SEPTIN11: variants seen among roughly 807,000 people sequenced by gnomAD.
SEPTIN11 encodes the protein septin 11.
Under a neutral mutation model 51.4 loss-of-function variants are expected in SEPTIN11, and 25 were observed. That is an observed-to-expected ratio of 0.49 (90% CI 0.35 to 0.68). The LOEUF (loss-of-function observed/expected upper bound fraction) is 0.68, where lower values mean the gene tolerates loss of function less well. SEPTIN11 is among the 30% of genes least tolerant of loss of function. SEPTIN11 has a pLI of 0.00. For missense variants in SEPTIN11, 381 were observed against 520.8 expected (o/e 0.73, Z 2.61); for synonymous variants, 174 against 184.1 (o/e 0.95, Z 0.44).
At chr4:77,019,650 G>A (rs1392859780) in intron 6 of SEPTIN11, among the ~76,000 whole-genome samples, 1 of 152,198 alleles carries the variant, frequency 6.6e-6, no homozygotes, top group Non-Finnish European at 1.5e-5. Flanking sequence ...TGCAAAAAAT[G>A]TCTTCTAATA....
chr4:77,037,191 G>A lies in SEPTIN11; in HGVS notation c.*2679G>A, dbSNP rs1019653576. On this transcript the variant is annotated 3_prime_UTR_variant, in exon 10 of 10. Transcript: ENST00000264893. Reference sequence around the variant, plus strand: ...ACCTTGGCGAACACGGTGAAACCCCGTCTCTACAAAAAATACAAAAATTAG... The same window carrying A: ...ACCTTGGCGAACACGGTGAAACCCCATCTCTACAAAAAATACAAAAATTAG... The A allele has an allele frequency of 4.8e-5, 30 of 630,504 alleles. No individual in the cohort carries two copies. The highest frequency in any genetic ancestry group is 5.9e-5 in the Non-Finnish European group (30 of 505,624). The allele number at this position is 630,504 out of a possible 1,614,324, so 39.1% of individuals were successfully genotyped here.
At position 77,037,687 on chromosome 4, in the gene SEPTIN11, C is replaced by T. The variant is rs1727132521; in HGVS notation, c.*3175C>T. The T allele has an allele frequency of 1.0e-6, 1 of 985,794 alleles. No homozygotes were observed. Among genetic ancestry groups the T allele is most frequent in the Non-Finnish European group, 1.2e-6 (1 of 829,918 alleles). The allele number at this position is 985,794 out of a possible 1,614,324, so 61.1% of individuals were successfully genotyped here. On this transcript the variant is annotated 3_prime_UTR_variant, in exon 10 of 10. Coordinates refer to ENST00000264893, the MANE Select transcript of SEPTIN11 (RefSeq NM_018243.4). ...ACATAATACCATCTTTTTGCTTCTT[C>T]TGAACTTTAGATCTCCATAACACAT...
At chr4:77,011,359 C>T (rs1459200692) in intron 3 of SEPTIN11, among the ~76,000 whole-genome samples, 1 of 152,208 alleles carries the variant, frequency 6.6e-6, no homozygotes, top group South Asian at 2.1e-4. Context: ...TTAGCAATAT[C>T]TTCCACGGAT....
chr4:77,008,063 C>A lies in SEPTIN11; in HGVS notation c.338+2267C>A, dbSNP rs114934734. Among the ~76,000 whole-genome samples, 1,135 of 152,312 alleles carry A rather than the reference C, an allele frequency of 7.5e-3. 10 individuals carry two copies. The highest frequency in any genetic ancestry group is 0.026 in the African/African-American group (1,072 of 41,564). ...CATGTCAACATTCCTGTATTATTAT[C>A]TGCCTCAGACCAGGCTAGCTAGAAG... is the stretch of plus-strand genomic sequence containing the variant. On this transcript the variant is annotated intron_variant, in intron 3 of 9. Coordinates refer to ENST00000264893, the MANE Select transcript of SEPTIN11 (RefSeq NM_018243.4).
At chr4:77,030,702 G>GT (rs1341767863) in intron 8 of SEPTIN11, 81 bp from the exon 9 acceptor site, 7 of 1,371,324 alleles carry the variant, frequency 5.1e-6, no homozygotes, top group Non-Finnish European at 6.8e-6. Context: ...GCCATGTTTT[G>GT]TTTTTTGAAC....
At chr4:77,005,524 TA>T (rs1458596130) in intron 2 of SEPTIN11, 76 bp from the exon 3 acceptor site, 3 of 1,307,240 alleles carry the variant, frequency 2.3e-6, no homozygotes, top group Middle Eastern at 1.9e-4. Flanking sequence ...TCATGACTAA[TA>T]AAAAATACTG....
At chr4:77,013,245 C>G (rs1031104970) in intron 4 of SEPTIN11, among the ~76,000 whole-genome samples, 4 of 152,120 alleles carry the variant, frequency 2.6e-5, no homozygotes, top group African/African-American at 9.7e-5. Flanking sequence ...AAACAGTCAA[C>G]CATAAAGCAG....
chr4:77,038,110 T>C lies in SEPTIN11; in HGVS notation c.*3598T>C. 1 of 985,930 alleles carries C rather than the reference T, an allele frequency of 1.0e-6. No individual in the cohort carries two copies. 61.1% of individuals were successfully genotyped at this position (985,930 alleles called of 1,614,324 possible). ...TTTGCCATTTGCAAGAGTCTGGAATTGTCAGGTCTCAGCTTCGAAAAGTCC... is the reference window on the plus strand; with the variant it reads ...TTTGCCATTTGCAAGAGTCTGGAATCGTCAGGTCTCAGCTTCGAAAAGTCC... On this transcript the variant is annotated 3_prime_UTR_variant, in exon 10 of 10. Transcript: ENST00000264893.
chr4:77,031,187 C>T, intron 9 of SEPTIN11: 1 of 505,278 alleles, frequency 2.0e-6, no homozygotes, highest in South Asian at 2.7e-5. Context: ...ATTGACCAAG[C>T]AATCAGGCCT....
intron 1 of SEPTIN11, among the ~76,000 whole-genome samples, chr4:76,962,479 T>A (rs1721863383): frequency 1.3e-5 from 2 of 152,238 alleles, no homozygotes; most frequent in African/African-American, 4.8e-5. Context: ...TGGTTTAGGA[T>A]CATTGTGTGT....
intron 1 of SEPTIN11, among the ~76,000 whole-genome samples, chr4:76,968,545 C>A (rs72607857): frequency 0.021 from 3,240 of 152,252 alleles, 98 homozygotes; most frequent in East Asian, 0.12. Context: ...TAGAAAACAT[C>A]TTTCTAAAAG....
At chr4:76,968,702 C>T (rs1177511376) in intron 1 of SEPTIN11, among the ~76,000 whole-genome samples, 1 of 152,134 alleles carries the variant, frequency 6.6e-6, no homozygotes, top group East Asian at 1.9e-4. Flanking sequence ...AGATCATTAA[C>T]AGTAAAAGAA....
At chr4:76,980,309 CA>C (rs1426097437) in intron 1 of SEPTIN11, among the ~76,000 whole-genome samples, 1 of 152,178 alleles carries the variant, frequency 6.6e-6, no homozygotes, top group Non-Finnish European at 1.5e-5. Context: ...TTTGTCTGTC[CA>C]AACACATCAG....
intron 1 of SEPTIN11, among the ~76,000 whole-genome samples, chr4:76,962,461 G>A (rs962900735): frequency 1.3e-5 from 2 of 152,282 alleles, no homozygotes; most frequent in South Asian, 4.1e-4. Context: ...TCTAACACAC[G>A]TACCCCCTGG....
rs1030965668 is a variant in SEPTIN11, at chr4:77,037,739, T to C, written c.*3227T>C. 5.9e-5 allele frequency: 58 copies of C among 985,866 alleles called. No individual in the cohort carries two copies. The African/African-American group carries it at 8.7e-4, about 15-fold the overall frequency. 61.1% of individuals were successfully genotyped at this position (985,866 alleles called of 1,614,324 possible). ...TACTGTAGAATGTGATGGAAAAGCA[T>C]TGATGAGAATTTATTGGCAGTTCAG... On this transcript the variant is annotated 3_prime_UTR_variant, in exon 10 of 10. Transcript: ENST00000264893.
At chr4:76,990,404 G>C (rs7655222) in intron 1 of SEPTIN11, among the ~76,000 whole-genome samples, 1 of 151,384 alleles carries the variant, frequency 6.6e-6, no homozygotes, top group African/African-American at 2.4e-5. Context: ...CGTCTCACAA[G>C]TACACTCTAG....
rs750539456 is a variant in SEPTIN11, at chr4:77,034,496, G to T, written c.1275-1G>T. 3 of 1,557,336 alleles carry T rather than the reference G, an allele frequency of 1.9e-6. No homozygotes were observed. Among genetic ancestry groups the T allele is most frequent in the Non-Finnish European group, 1.7e-6 (2 of 1,156,504 alleles). On this transcript the variant is annotated splice_acceptor_variant, in intron 9 of 9. Transcript: ENST00000264893. LOFTEE classifies it high-confidence loss of function. ...TTTTTGTTTTGTTTTTTAACTTGCA[G>T]TGCAAGCTTCACATAAAGCCTGGCA...
At chr4:76,998,613 C>T (rs1166652649) in intron 2 of SEPTIN11, among the ~76,000 whole-genome samples, 1 of 152,174 alleles carries the variant, frequency 6.6e-6, no homozygotes, top group South Asian at 2.1e-4. Flanking sequence ...GACTCTCCCC[C>T]ACCCTCCAAC....
intron 1 of SEPTIN11, among the ~76,000 whole-genome samples, chr4:76,950,261 C>T (rs1361076272): frequency 2.0e-5 from 3 of 152,140 alleles, no homozygotes; most frequent in Non-Finnish European, 4.4e-5. Flanking sequence ...CCTCTTCCCT[C>T]GTGACAGCCA....
Sources: gnomAD v4.1 joint callset for allele counts (sites outside exome capture counted in the v4.1 genomes callset) on GRCh38, gnomAD v4.1.1 for gene constraint, MANE v1.5 for transcripts, NCBI Gene and HGNC (gene_info 2026-07-23, HGNC 2026-07-21) for gene names.